LHFPL3: variants seen among roughly 807,000 people sequenced by gnomAD.
LHFPL3 encodes LHFPL tetraspan subfamily member 3 protein.
Under a neutral mutation model 19.3 loss-of-function variants are expected in LHFPL3, and 5 were observed. That is an observed-to-expected ratio of 0.26 (90% CI 0.14 to 0.54). The LOEUF is 0.54. Ranked by LOEUF, LHFPL3 falls within the 20% of genes least tolerant of loss-of-function variation. The pLI is 0.94. For synonymous variants in LHFPL3, 133 were observed against 126.2 expected, an observed-to-expected ratio of 1.05 and a Z score of -0.36; for missense variants, 249 against 307.4, an observed-to-expected ratio of 0.81 and a Z score of 1.42.
At chr7:104,819,373 T>A (rs1168760618) in intron 2 of LHFPL3, among the ~76,000 whole-genome samples, 4 of 127,534 alleles carry the variant, frequency 3.1e-5, no homozygotes, top group African/African-American at 9.3e-5. Flanking sequence ...CCCATTTAGA[T>A]CTGGAAAAAA....
chr7:104,474,139 T>G (rs560982949), intron 1 of LHFPL3, among the ~76,000 whole-genome samples: 1 of 152,308 alleles, frequency 6.6e-6, no homozygotes, highest in East Asian at 1.9e-4. Flanking sequence ...ACCTCCTGCT[T>G]CTACCCAAGT....
chr7:104,720,735 G>A (rs368332119), intron 1 of LHFPL3, among the ~76,000 whole-genome samples: 1 of 152,092 alleles, frequency 6.6e-6, no homozygotes. Flanking sequence ...AAGGATATGA[G>A]CAGACACTTC....
chr7:104,870,399 C>T (rs1015871918), intron 2 of LHFPL3, among the ~76,000 whole-genome samples: 15 of 152,092 alleles, frequency 9.9e-5, no homozygotes, highest in Admixed American at 4.6e-4. Context: ...AATATTCGCC[C>T]GACTTGCACC....
At chr7:104,333,925 A>G (rs991952511) in intron 1 of LHFPL3, among the ~76,000 whole-genome samples, 5 of 152,362 alleles carry the variant, frequency 3.3e-5, no homozygotes, top group South Asian at 4.1e-4. Context: ...TGGCTGTGAC[A>G]CTTACGGACT....
chr7:104,798,568 A>G (rs1235405049), intron 2 of LHFPL3, among the ~76,000 whole-genome samples: 1 of 152,228 alleles, frequency 6.6e-6, no homozygotes, highest in Admixed American at 6.5e-5. Context: ...CAAAAAAATT[A>G]TAAGTTGGTA....
At chr7:104,470,552 T>G (rs1029820719) in intron 1 of LHFPL3, among the ~76,000 whole-genome samples, 2 of 152,322 alleles carry the variant, frequency 1.3e-5, no homozygotes, top group African/African-American at 4.8e-5. Flanking sequence ...TTTTGAGTGT[T>G]CACTCTGTGC....
Position 104,328,908 on chromosome 7 carries a change from C to T in LHFPL3, c.129C>T (p.Phe43=), listed in dbSNP as rs899664532. The T allele has an allele frequency of 6.2e-7, 1 of 1,614,226 alleles. No homozygotes were observed. The highest frequency in any genetic ancestry group is 8.5e-7 in the Non-Finnish European group (1 of 1,180,036). Residue 43 remains phenylalanine (F), a synonymous_variant, in exon 1 of 3, where the codon TTC becomes TTT. Coordinates refer to ENST00000424859, the MANE Select transcript of LHFPL3 (RefSeq NM_199000.3). This position sits in a 1 kb window ranked among gnomAD's most constrained non-coding sequence, Gnocchi z 4.6. ...SRAIGVLWAI[F]TICFAIVNVV... is the part of the protein sequence containing the mutation. ...CCATCGGCGTGCTGTGGGCCATCTT[C>T]ACCATCTGCTTTGCCATCGTCAACG...
intron 1 of LHFPL3, chr7:104,622,957 A>G (rs1113933): frequency 0.24 from 76,307 of 317,978 alleles, 10,572 homozygotes; most frequent in Non-Finnish European, 0.3. Context: ...TTTTATTTTT[A>G]TCTGTCATTT....
intron 1 of LHFPL3, among the ~76,000 whole-genome samples, chr7:104,501,741 G>A (rs1472914640): frequency 6.6e-6 from 1 of 152,180 alleles, no homozygotes; most frequent in Non-Finnish European, 1.5e-5. Flanking sequence ...AAGAAAGTTT[G>A]AAAGAAAGTT....
At chr7:104,808,119 C>T (rs1303244687) in intron 2 of LHFPL3, among the ~76,000 whole-genome samples, 1 of 152,178 alleles carries the variant, frequency 6.6e-6, no homozygotes, top group African/African-American at 2.4e-5. Context: ...TCTCCCCCAT[C>T]AGCCACACTC....
chr7:104,785,681 A>G (rs1789898927), intron 2 of LHFPL3: 1 of 152,152 alleles, frequency 6.6e-6, no homozygotes, highest in Non-Finnish European at 1.5e-5. Context: ...GGCTCTGGCC[A>G]CTTCCCTCCC....
chr7:104,572,875 T>C (rs529091441), intron 1 of LHFPL3, among the ~76,000 whole-genome samples: 2 of 152,350 alleles, frequency 1.3e-5, no homozygotes, highest in East Asian at 3.9e-4. Flanking sequence ...TTGATGCTAA[T>C]ATGTCTTAAA....
At chr7:104,412,154 T>G (rs1791545405) in intron 1 of LHFPL3, among the ~76,000 whole-genome samples, 1 of 152,176 alleles carries the variant, frequency 6.6e-6, no homozygotes, top group Admixed American at 6.5e-5. Flanking sequence ...ATTTGGAAAG[T>G]ATTTAGTATA....
At chr7:104,854,214 G>A (rs1457452966) in intron 2 of LHFPL3, among the ~76,000 whole-genome samples, 2 of 152,130 alleles carry the variant, frequency 1.3e-5, no homozygotes, top group Non-Finnish European at 2.9e-5. Context: ...AGAAAGGAGG[G>A]TATTGCAAGG....
At chr7:104,879,803 C>T (rs118163448) in intron 2 of LHFPL3, among the ~76,000 whole-genome samples, 3 of 152,212 alleles carry the variant, frequency 2.0e-5, no homozygotes, top group African/African-American at 7.2e-5. Flanking sequence ...CGTGGCTACA[C>T]CAAATAACAG....
At chr7:104,364,149 G>C (rs1790441257) in intron 1 of LHFPL3, among the ~76,000 whole-genome samples, 1 of 152,164 alleles carries the variant, frequency 6.6e-6, no homozygotes, top group Non-Finnish European at 1.5e-5. Context: ...TTTCTAGATA[G>C]CCTGGGAGAC....
At chr7:104,623,016 AT>A in intron 1 of LHFPL3, 1 of 379,156 alleles carries the variant, frequency 2.6e-6, no homozygotes, top group Non-Finnish European at 5.5e-6. Flanking sequence ...TTTGATTTGC[AT>A]TTCCCTGATG....
intron 1 of LHFPL3, among the ~76,000 whole-genome samples, chr7:104,410,896 A>G (rs1256884274): frequency 6.6e-6 from 1 of 152,204 alleles, no homozygotes; most frequent in Non-Finnish European, 1.5e-5. Context: ...TGAGTGGCTC[A>G]CTGTGATTCC....
At chr7:104,396,151 G>A (rs951796797) in intron 1 of LHFPL3, among the ~76,000 whole-genome samples, 1 of 152,162 alleles carries the variant, frequency 6.6e-6, no homozygotes, top group Non-Finnish European at 1.5e-5. Flanking sequence ...TGTGTGACAG[G>A]TTTAGCCACA....
Sources: allele counts gnomAD v4.1 joint callset (sites outside exome capture counted in the v4.1 genomes callset), GRCh38; gene constraint gnomAD v4.1.1; non-coding constraint Gnocchi (gnomAD v3.1); transcripts MANE v1.5; gene names NCBI Gene and HGNC (gene_info 2026-07-23, HGNC 2026-07-21).